Variants in RGS7 observed in about 807,000 individuals in gnomAD.
The protein encoded by RGS7 is regulator of G-protein signaling 7.
RGS7 carries 27 observed loss-of-function variants against 81.1 expected under a neutral mutation model. The observed-to-expected ratio is 0.33, with a 90% CI of 0.25 to 0.46. The LOEUF (loss-of-function observed/expected upper bound fraction) is 0.46. Among genes scored for constraint, RGS7 ranks in the 20% least tolerant of loss-of-function variants. The pLI is 1.00. For synonymous variants in RGS7, 208 were observed against 207.7 expected (o/e 1.00, Z -0.01); for missense variants, 396 against 607.4 (o/e 0.65, Z 3.66).
intron 6 of RGS7, among the ~76,000 whole-genome samples, chr1:240,875,552 A>G (rs947962989): frequency 5.9e-5 from 9 of 152,250 alleles, no homozygotes; most frequent in African/African-American, 2.2e-4. Flanking sequence ...GATCCCCAGA[A>G]TTGGAATTGC....
At chr1:241,326,858 T>C (rs944533204) in intron 2 of RGS7, among the ~76,000 whole-genome samples, 23 of 146,532 alleles carry the variant, frequency 1.6e-4, no homozygotes, top group Non-Finnish European at 1.9e-4. Flanking sequence ...TGCGGTGAGC[T>C]GAGATCATGG....
intron 2 of RGS7, among the ~76,000 whole-genome samples, chr1:241,306,539 T>C (rs539391779): frequency 4.7e-4 from 69 of 146,180 alleles, no homozygotes; most frequent in Non-Finnish European, 6.6e-4. Context: ...TCCACACACA[T>C]GCACACACCC....
At chr1:241,209,455 T>G (rs999132678) in intron 2 of RGS7, among the ~76,000 whole-genome samples, 1 of 152,202 alleles carries the variant, frequency 6.6e-6, no homozygotes, top group African/African-American at 2.4e-5. Context: ...AATTTACCAT[T>G]AATAATAGTA....
rs573197285 is a variant in RGS7, at chr1:241,303,005, A to G, written c.78+52694T>C. On this transcript the variant is annotated intron_variant, in intron 2 of 18. Transcript: ENST00000440928. Reference sequence around the variant, plus strand: ...TTCCCACTCACGGACCCATGACTTCATGAACGTGGCTTGAAATTAACCATG... The same window carrying G: ...TTCCCACTCACGGACCCATGACTTCGTGAACGTGGCTTGAAATTAACCATG... Among the ~76,000 whole-genome samples, 6 of 152,314 alleles carry G rather than the reference A, an allele frequency of 3.9e-5. No individual in the cohort carries two copies. The South Asian group carries it at 1.2e-3, about 32-fold the overall frequency.
intron 5 of RGS7, among the ~76,000 whole-genome samples, chr1:240,933,759 G>A (rs938350402): frequency 6.6e-6 from 1 of 151,922 alleles, no homozygotes; most frequent in African/African-American, 2.4e-5. Context: ...TGAAAGTCAT[G>A]AAAGAGAGCT....
At position 241,112,660 on chromosome 1, in the gene RGS7, T is replaced by C. The variant is rs192703450; in HGVS notation, c.79-13898A>G. ...GACCTTTTTCTCTGTGTAACACTCT[T>C]GGTTTACTTATTTTGTACAACGATT... On this transcript the variant is annotated intron_variant, in intron 2 of 18. Coordinates refer to ENST00000440928, the MANE Select transcript of RGS7 (RefSeq NM_001364886.1). Among the ~76,000 whole-genome samples, 300 of 152,342 alleles carry C rather than the reference T, an allele frequency of 2.0e-3. 2 individuals carry two copies. The highest frequency in any genetic ancestry group is 6.1e-3 in the African/African-American group (252 of 41,584).
intron 3 of RGS7, among the ~76,000 whole-genome samples, chr1:241,078,673 C>G (rs890023206): frequency 2.6e-5 from 4 of 151,888 alleles, no homozygotes; most frequent in African/African-American, 9.7e-5. Context: ...ACACCTGGAC[C>G]AAGTTATTTA....
At chr1:240,774,983 C>T (rs1429006378), downstream of RGS7, among the ~76,000 whole-genome samples, 1 of 152,160 alleles carries the variant, frequency 6.6e-6, no homozygotes, top group Non-Finnish European at 1.5e-5. Context: ...GCAAACACTA[C>T]ACCATTTTAT....
At chr1:241,098,841 T>C (rs913025154) in intron 2 of RGS7, 79 bp from the exon 3 acceptor site, 3 of 1,029,406 alleles carry the variant, frequency 2.9e-6, no homozygotes, top group East Asian at 2.6e-5. Context: ...AACAATTTTG[T>C]ATTCCTGTTT....
chr1:240,899,426 T>C (rs142676398), intron 6 of RGS7, among the ~76,000 whole-genome samples: 19,668 of 152,196 alleles, frequency 0.13, 1,358 homozygotes, highest in Middle Eastern at 0.18. Flanking sequence ...CTGGTACCAG[T>C]TGTTCCTTTC....
At chr1:240,821,048 A>C (rs954713549) in intron 10 of RGS7, among the ~76,000 whole-genome samples, 7 of 152,198 alleles carry the variant, frequency 4.6e-5, no homozygotes, top group Admixed American at 3.3e-4. Context: ...ACACAGAAAG[A>C]AGCAGAGAGA....
At chr1:241,160,806 T>C (rs1340990962) in intron 2 of RGS7, among the ~76,000 whole-genome samples, 1 of 152,178 alleles carries the variant, frequency 6.6e-6, no homozygotes, top group East Asian at 1.9e-4. Context: ...TATTAAATCT[T>C]TTTATTGAAA....
At chr1:241,048,079 G>A (rs1284631682) in intron 3 of RGS7, among the ~76,000 whole-genome samples, 2 of 151,040 alleles carry the variant, frequency 1.3e-5, no homozygotes, top group Non-Finnish European at 3.0e-5. Context: ...GTGTAGATGT[G>A]TATGTATGTA....
At chr1:241,266,084 G>A (rs745635919) in intron 2 of RGS7, among the ~76,000 whole-genome samples, 24 of 152,062 alleles carry the variant, frequency 1.6e-4, no homozygotes, top group Admixed American at 2.6e-4. Flanking sequence ...ATAAGCCACC[G>A]CGCCTGGCCT....
intron 2 of RGS7, among the ~76,000 whole-genome samples, chr1:241,211,915 C>T (rs1401003721): frequency 2.0e-5 from 3 of 151,998 alleles, no homozygotes; most frequent in African/African-American, 2.4e-5. Flanking sequence ...ATTCTGTGTA[C>T]GGTGACAAGT....
chr1:240,797,160 T>C (rs1340260159), intron 18 of RGS7, among the ~76,000 whole-genome samples: 1 of 152,138 alleles, frequency 6.6e-6, no homozygotes, highest in Non-Finnish European at 1.5e-5. Flanking sequence ...GTAGCTACTT[T>C]CCGGGAAACT....
At chr1:241,053,298 A>G (rs571053172) in intron 3 of RGS7, among the ~76,000 whole-genome samples, 4 of 152,300 alleles carry the variant, frequency 2.6e-5, no homozygotes, top group Non-Finnish European at 5.9e-5. Flanking sequence ...CCCATGCTGT[A>G]GGGCAAGCAG....
intron 2 of RGS7, among the ~76,000 whole-genome samples, chr1:241,100,422 G>A (rs1436272288): frequency 6.6e-6 from 1 of 151,174 alleles, no homozygotes; most frequent in Non-Finnish European, 1.5e-5. Context: ...GCTTTAGAAT[G>A]GTTTTCAGCT....
rs1351346055 is a variant in RGS7, at chr1:240,868,136, A to AAGAG, written c.609+450_609+451insCTCT. On this transcript the variant is annotated intron_variant, in intron 9 of 18. Coordinates refer to ENST00000440928, the MANE Select transcript of RGS7 (RefSeq NM_001364886.1). This position sits in a 1 kb window ranked among gnomAD's most constrained non-coding sequence, Gnocchi z 5.1. ...AGAAAAGGAAAGAAAGAAAGAAAGA[A>AAGAG]AGAAAGAAAGAAAGAAAGAAAGGAC... is the stretch of plus-strand genomic sequence containing the variant. Among the ~76,000 whole-genome samples the AAGAG allele has an allele frequency of 1.5e-4, 18 of 119,490 alleles. No individual in the cohort carries two copies. The highest frequency in any genetic ancestry group is 8.4e-4 in the African/African-American group (17 of 20,278). The allele number at this position is 119,490 out of a possible 152,430, so 78.4% of individuals were successfully genotyped here. A position where few individuals can be genotyped will look rare whatever the true frequency, so the allele number is the denominator to read the frequency against.
Sources: allele counts gnomAD v4.1 joint callset (sites outside exome capture counted in the v4.1 genomes callset), GRCh38; gene constraint gnomAD v4.1.1; non-coding constraint Gnocchi (gnomAD v3.1); transcripts MANE v1.5; gene names NCBI Gene and HGNC (gene_info 2026-07-23, HGNC 2026-07-21).